The following CDK11B variants were observed in gnomAD, a reference collection of about 807,000 sequenced individuals.
The protein encoded by CDK11B is cyclin-dependent kinase 11B.
Under a neutral mutation model 84.0 loss-of-function variants are expected in CDK11B, and 37 were observed. That is an observed-to-expected ratio of 0.44 (90% confidence interval 0.34 to 0.58). The LOEUF is 0.58. CDK11B is among the 20% of genes least tolerant of loss of function. The pLI is 0.02. For missense variants in CDK11B, 427 were observed against 834.0 expected (o/e 0.51, Z 6.01); for synonymous variants, 269 against 309.8 (o/e 0.87, Z 1.38).
At position 1,636,941 on chromosome 1, in the gene CDK11B, C is replaced by T; in HGVS notation, c.1756G>A (p.Val586Met). Residue 586 changes from valine to methionine, a missense_variant, in exon 16 of 20, where the codon GTG becomes ATG. Val to Met is a conservative substitution (Grantham distance 21). This residue lies in a region of CDK11B where 170 missense variants were observed against 196.0 expected (regional missense o/e 0.87). Coordinates refer to ENST00000341832, the MANE Select transcript of CDK11B (RefSeq NM_033486.3). ...SPLKAYTPVV[V>M]TLWYRAPELL... Reference sequence around the variant, plus strand: ...TCTGGGGCGCGGTACCACAGGGTCACCACGACCGGGGTGTAGGCCTTCAGA... The same window carrying T: ...TCTGGGGCGCGGTACCACAGGGTCATCACGACCGGGGTGTAGGCCTTCAGA... 1.9e-6 allele frequency: 3 copies of T among 1,607,610 alleles called. No homozygotes were observed. The highest frequency in any genetic ancestry group is 2.6e-6 in the Non-Finnish European group (3 of 1,176,088).
At position 1,648,445 on chromosome 1, in the gene CDK11B, A is replaced by T. The variant is rs577114302; in HGVS notation, c.494+1054T>A. Among the ~76,000 whole-genome samples the T allele has an allele frequency of 1.6e-3, 247 of 152,030 alleles. 4 individuals are homozygous for T. The highest frequency in any genetic ancestry group is 5.7e-3 in the African/African-American group (234 of 41,304). On this transcript the variant is annotated intron_variant, in intron 5 of 19. Transcript: ENST00000341832. ...CTCAGTGTCTCCCACACCCTTCGGC[A>T]TCAACAAGAACCAGCGCCCTCTCAT... is the stretch of plus-strand genomic sequence containing the variant.
At chr1:1,654,640 T>C (rs991054705) in intron 3 of CDK11B, among the ~76,000 whole-genome samples, 2 of 150,178 alleles carry the variant, frequency 1.3e-5, no homozygotes, top group African/African-American at 2.4e-5. Flanking sequence ...TTCTACTTTA[T>C]TTGTGCAAAA....
intron 1 of CDK11B, among the ~76,000 whole-genome samples, chr1:1,658,127 T>G (rs1436205760): frequency 2.8e-5 from 4 of 143,906 alleles, no homozygotes; most frequent in African/African-American, 1.1e-4. Flanking sequence ...TGAGCCGAGG[T>G]CGCGTCACTG....
Position 1,650,436 on chromosome 1 carries a change from G to A in CDK11B, c.356-799C>T, listed in dbSNP as rs1401956261. ...GCTGGAGTGCAGTGGCGCAATCTCG[G>A]CTCACTGCAAGCTCCGCCTCCCGTG... On this transcript the variant is annotated intron_variant, in intron 4 of 19. Transcript: ENST00000341832. 4.1e-5 allele frequency among the ~76,000 whole-genome samples: 6 copies of A among 145,160 alleles called. No individual in the cohort carries two copies. The East Asian group carries it at 1.0e-3, about 25-fold the overall frequency.
chr1:1,654,459 T>C (rs1642451956), intron 3 of CDK11B, among the ~76,000 whole-genome samples: 1 of 152,088 alleles, frequency 6.6e-6, no homozygotes, highest in South Asian at 2.1e-4. Context: ...TTTTTTTTAT[T>C]TTGTGTAGAG....
intron 6 of CDK11B, among the ~76,000 whole-genome samples, chr1:1,643,617 C>T (rs935752546): frequency 2.1e-5 from 3 of 146,074 alleles, no homozygotes; most frequent in African/African-American, 5.5e-5. Context: ...GAAAATGACG[C>T]GTGAACACGA....
chr1:1,635,466 C>T lies in CDK11B; in HGVS notation c.*298G>A. The T allele has an allele frequency of 4.0e-6, 1 of 247,354 alleles. No homozygotes were observed. The highest frequency in any genetic ancestry group is 1.2e-4 in the East Asian group (1 of 8,028). The allele number at this position is 247,354 out of a possible 1,614,324, so 15.3% of individuals were successfully genotyped here. On this transcript the variant is annotated 3_prime_UTR_variant, in exon 20 of 20. Transcript: ENST00000341832. ...ACCAGTTCCTTTCCAAATCACGGCC[C>T]AGCCAGCCCCGTGCGTGTCGAGAGT...
chr1:1,650,511 G>T (rs1299927141), intron 4 of CDK11B, among the ~76,000 whole-genome samples: 4 of 150,238 alleles, frequency 2.7e-5, no homozygotes, highest in Admixed American at 2.7e-4. Context: ...TACTACAGGC[G>T]CCTGCCACCA....
intron 3 of CDK11B, chr1:1,654,104 A>G (rs1272021840): frequency 2.2e-6 from 1 of 450,558 alleles, no homozygotes; most frequent in South Asian, 1.6e-5. Flanking sequence ...AATTCTGGGA[A>G]AATTCACACC....
rs1222596775 is a variant in CDK11B, at chr1:1,652,377, A to T, written c.355+62T>A. The T allele has an allele frequency of 2.2e-6, 3 of 1,345,166 alleles. No individual in the cohort carries two copies. The African/African-American group carries it at 4.6e-5, about 21-fold the overall frequency. 83.3% of individuals were successfully genotyped at this position (1,345,166 alleles called of 1,614,324 possible). On this transcript the variant is annotated intron_variant, in intron 4 of 19. Coordinates refer to ENST00000341832, the MANE Select transcript of CDK11B (RefSeq NM_033486.3). ...AGTGGTGCTCTGGGGAAGGCAGAAG[A>T]GTAGGAACAGGAAAGAAACCACACT...
At chr1:1,655,845 T>G (rs1229626205) in intron 2 of CDK11B, among the ~76,000 whole-genome samples, 1 of 152,096 alleles carries the variant, frequency 6.6e-6, no homozygotes, top group African/African-American at 2.4e-5. Flanking sequence ...ATCACACCAC[T>G]GCACTCCAGC....
chr1:1,651,744 A>C (rs1344802389), intron 4 of CDK11B, among the ~76,000 whole-genome samples: 2 of 136,344 alleles, frequency 1.5e-5, no homozygotes, highest in Non-Finnish European at 3.1e-5. Context: ...CAGATAGAGT[A>C]TTCTCTCTAT....
chr1:1,637,639 T>G, intron 13 of CDK11B, 123 bp downstream of exon 13: 1 of 1,608,482 alleles, frequency 6.2e-7, no homozygotes, highest in South Asian at 1.1e-5. Flanking sequence ...CTTGCTTCTG[T>G]GTGGTCTGTG....
At chr1:1,641,470 C>T (rs1362489237) in intron 9 of CDK11B, among the ~76,000 whole-genome samples, 192 bp downstream of exon 9, 1 of 145,954 alleles carries the variant, frequency 6.9e-6, no homozygotes, top group Non-Finnish European at 1.5e-5. Flanking sequence ...GATCATGCCA[C>T]TGCACTCCAG....
intron 4 of CDK11B, among the ~76,000 whole-genome samples, chr1:1,650,035 A>T (rs1641724590): frequency 6.6e-6 from 1 of 150,708 alleles, no homozygotes; most frequent in African/African-American, 2.4e-5. Flanking sequence ...GCACTCTGGG[A>T]GGCCGAGGTG....
intron 3 of CDK11B, among the ~76,000 whole-genome samples, chr1:1,654,658 T>C (rs981774073): frequency 1.2e-4 from 16 of 129,756 alleles, no homozygotes; most frequent in African/African-American, 3.6e-4. Context: ...AAATCTTTTT[T>C]TTCCTTTTTT....
In CDK11B at chr1:1,649,825, A is replaced by C. The variant is rs1379974427; in HGVS notation, c.356-188T>G. On this transcript the variant is annotated intron_variant, in intron 4 of 19. Coordinates refer to ENST00000341832, the MANE Select transcript of CDK11B (RefSeq NM_033486.3). ...CCCCGTCTCTACTAAAAATACAAAAATTAGCTGGGCGTGGTGGCAGGCACC... is the reference window on the plus strand; with the variant it reads ...CCCCGTCTCTACTAAAAATACAAAACTTAGCTGGGCGTGGTGGCAGGCACC... Among the ~76,000 whole-genome samples the C allele has an allele frequency of 4.6e-5, 7 of 151,894 alleles. No homozygotes were observed. The Middle Eastern group carries it at 0.01, about 223-fold the overall frequency.
intron 6 of CDK11B, among the ~76,000 whole-genome samples, chr1:1,643,625 C>T (rs1442226964): frequency 6.9e-6 from 1 of 145,674 alleles, no homozygotes; most frequent in Non-Finnish European, 1.5e-5. Context: ...CGCGTGAACA[C>T]GACGGAAATA....
At chr1:1,648,838 T>C (rs1417604499) in intron 5 of CDK11B, among the ~76,000 whole-genome samples, 1 of 151,926 alleles carries the variant, frequency 6.6e-6, no homozygotes, top group Non-Finnish European at 1.5e-5. Flanking sequence ...AGCATGGTCA[T>C]AGCTTACTGC....
Sources: gnomAD v4.1 joint callset for allele counts (sites outside exome capture counted in the v4.1 genomes callset) on GRCh38, gnomAD v4.1.1 for gene constraint, gnomAD v4.1.1 regional missense constraint, MANE v1.5 for transcripts, NCBI Gene and HGNC (gene_info 2026-07-23, HGNC 2026-07-21) for gene names.